TSPAN14: variants seen among roughly 807,000 people sequenced by gnomAD.
TSPAN14 encodes the protein tetraspanin 14.
TSPAN14 carries 16 observed loss-of-function variants against 36.6 expected under a neutral mutation model. The observed-to-expected ratio is 0.44, with a 90% CI of 0.30 to 0.66. The LOEUF (loss-of-function observed/expected upper bound fraction) is 0.66, where lower values mean the gene tolerates loss of function less well. TSPAN14 is among the 30% of genes least tolerant of loss of function. The probability of loss-of-function intolerance (pLI) is 0.12; values close to 1 mark genes in which losing one functional copy is unlikely to be tolerated. For missense variants in TSPAN14, 231 were observed against 355.1 expected (o/e 0.65, Z 2.81); for synonymous variants, 139 against 143.8 (o/e 0.97, Z 0.24).
chr10:80,513,785 C>G (rs1398246386), intron 6 of TSPAN14, among the ~76,000 whole-genome samples: 1 of 152,240 alleles, frequency 6.6e-6, no homozygotes, highest in Non-Finnish European at 1.5e-5. Context: ...GGCTCTCATG[C>G]AACAAAAGCG....
intron 2 of TSPAN14, among the ~76,000 whole-genome samples, chr10:80,494,385 A>G (rs1387924712): frequency 6.6e-6 from 1 of 152,146 alleles, no homozygotes; most frequent in Non-Finnish European, 1.5e-5. Context: ...ATTTTGAGAG[A>G]GTCTTGCGAA....
chr10:80,504,884 G>A (rs1251505159), intron 3 of TSPAN14, 106 bp downstream of exon 3: 3 of 1,233,710 alleles, frequency 2.4e-6, no homozygotes, highest in African/African-American at 3.0e-5. Flanking sequence ...AGCATTTCTT[G>A]TGCAGTGTCA....
At position 80,504,793 on chromosome 10, in the gene TSPAN14, C is replaced by A; in HGVS notation, c.132+15C>A. The A allele has an allele frequency of 6.2e-7, 1 of 1,614,098 alleles. No homozygotes were observed. The highest frequency in any genetic ancestry group is 8.5e-7 in the Non-Finnish European group (1 of 1,179,970). On this transcript the variant is annotated intron_variant, in intron 3 of 8. Coordinates refer to ENST00000429989, the Ensembl canonical transcript of TSPAN14. ...GGAGCGAAAAGGTAGGTGTAACTGT[C>A]GCAGGACACTGAGCTTCAGGCAGCC... is the stretch of plus-strand genomic sequence containing the variant.
chr10:80,503,403 T>C (rs1213011416), intron 2 of TSPAN14, among the ~76,000 whole-genome samples: 4 of 152,178 alleles, frequency 2.6e-5, no homozygotes, highest in South Asian at 4.2e-4. Context: ...AATGAATGAG[T>C]GAGGAGTGAA....
At chr10:80,472,773 A>G (rs889761121) in intron 1 of TSPAN14, among the ~76,000 whole-genome samples, 1 of 152,194 alleles carries the variant, frequency 6.6e-6, no homozygotes, top group Admixed American at 6.5e-5. Context: ...ATTTTATTCA[A>G]TGAGTTAAAA....
At chr10:80,480,671 G>C (rs1183704098) in intron 1 of TSPAN14, among the ~76,000 whole-genome samples, 1 of 152,008 alleles carries the variant, frequency 6.6e-6, no homozygotes, top group South Asian at 2.1e-4. Context: ...TCAGTAAACT[G>C]TCGCAAGAAC....
At chr10:80,517,013 G>T (rs1292072928) in intron 8 of TSPAN14, among the ~76,000 whole-genome samples, 1 of 152,172 alleles carries the variant, frequency 6.6e-6, no homozygotes, top group Admixed American at 6.5e-5. Context: ...AGAATTCAGT[G>T]ATCAGAGAAA....
At chr10:80,511,762 CTCTCTCT>C (rs1840659581) in intron 5 of TSPAN14, among the ~76,000 whole-genome samples, 4 of 133,556 alleles carry the variant, frequency 3.0e-5, no homozygotes, top group Admixed American at 2.3e-4. Context: ...CTCTCTCTCT[CTCTCTCT>C]CTCCCCTTTT....
Position 80,468,046 on chromosome 10 carries a change from CTG to C in TSPAN14, c.-18+13679_-18+13680del, listed in dbSNP as rs1242904674. On this transcript the variant is annotated intron_variant, in intron 1 of 8. Transcript: ENST00000429989. ...CATTCCTCTTCTTTGGGGGTGGAGA[CTG>C]TGTTTAAATTTTGCCTCTATTTTGT... is the stretch of plus-strand genomic sequence containing the variant. Among the ~76,000 whole-genome samples, 4 of 152,150 alleles carry C rather than the reference CTG, an allele frequency of 2.6e-5. No homozygotes were observed. The South Asian group carries it at 6.2e-4, about 24-fold the overall frequency.
chr10:80,458,888 A>C (rs1193314438), intron 1 of TSPAN14, among the ~76,000 whole-genome samples: 1 of 152,138 alleles, frequency 6.6e-6, no homozygotes, highest in Non-Finnish European at 1.5e-5. Flanking sequence ...AACACTGTCC[A>C]GCTTGCAGAG....
At chr10:80,472,739 A>G (rs1028293887) in intron 1 of TSPAN14, among the ~76,000 whole-genome samples, 8 of 152,188 alleles carry the variant, frequency 5.3e-5, no homozygotes, top group African/African-American at 1.7e-4. Context: ...CTGTGTGTGT[A>G]TTAGAATGGG....
At chr10:80,520,613 G>C (rs755879564) in exon 9 of TSPAN14, 2 of 533,174 alleles carry the variant, frequency 3.8e-6, no homozygotes, top group Non-Finnish European at 3.8e-6. Flanking sequence ...TCAGGATCTT[G>C]TCAACGTTAT....
At position 80,509,597 on chromosome 10, in the gene TSPAN14, A is replaced by G; in HGVS notation, c.450+126A>G. On this transcript the variant is annotated intron_variant, in intron 5 of 8. Transcript: ENST00000429989. The surrounding 1 kb of genome is among the most constrained non-coding windows in gnomAD (Gnocchi z 4.7). ...GCCTGCAGCTTGGCAGACAGCAGGG[A>G]GGCCGTGGAACAAGCCACTCCACCT... is the stretch of plus-strand genomic sequence containing the variant. 1 of 1,017,530 alleles carries G rather than the reference A, an allele frequency of 9.8e-7. No individual in the cohort carries two copies. Among genetic ancestry groups the G allele is most frequent in the East Asian group, 2.6e-5 (1 of 38,254 alleles). The allele number at this position is 1,017,530 out of a possible 1,614,324, so 63.0% of individuals were successfully genotyped here.
chr10:80,481,482 G>C (rs1847272536), intron 1 of TSPAN14, among the ~76,000 whole-genome samples: 1 of 152,066 alleles, frequency 6.6e-6, no homozygotes, highest in African/African-American at 2.4e-5. Context: ...TAGCTCACAT[G>C]GTCATAATAA....
At chr10:80,490,683 A>C (rs1159382970) in intron 2 of TSPAN14, among the ~76,000 whole-genome samples, 1 of 152,118 alleles carries the variant, frequency 6.6e-6, no homozygotes, top group African/African-American at 2.4e-5. Flanking sequence ...ATGAGAAGTA[A>C]AGAAGTGAAG....
intron 1 of TSPAN14, among the ~76,000 whole-genome samples, chr10:80,487,029 C>T (rs557546659): frequency 1.6e-4 from 25 of 152,282 alleles, no homozygotes; most frequent in African/African-American, 5.3e-4. Context: ...TGAGACTAGC[C>T]TGGGCAACAT....
At chr10:80,486,225 G>A (rs1161930552) in intron 1 of TSPAN14, among the ~76,000 whole-genome samples, 6 of 152,338 alleles carry the variant, frequency 3.9e-5, no homozygotes, top group Non-Finnish European at 5.9e-5. Flanking sequence ...GAAGCCAGGC[G>A]CCCTGTGGAG....
intron 3 of TSPAN14, among the ~76,000 whole-genome samples, chr10:80,505,850 A>G (rs1840265870): frequency 6.6e-6 from 1 of 152,226 alleles, no homozygotes; most frequent in African/African-American, 2.4e-5. Flanking sequence ...AAATAAGTGA[A>G]AAGGCCAGAA....
At chr10:80,500,145 A>G (rs1304144439) in intron 2 of TSPAN14, among the ~76,000 whole-genome samples, 1 of 151,866 alleles carries the variant, frequency 6.6e-6, no homozygotes, top group African/African-American at 2.4e-5. Flanking sequence ...GTCCTCCCTC[A>G]ATCTCCTGGT....
Sources: gnomAD v4.1 joint callset for allele counts (sites outside exome capture counted in the v4.1 genomes callset) on GRCh38, gnomAD v4.1.1 for gene constraint, Gnocchi (gnomAD v3.1) non-coding constraint, MANE v1.5 for transcripts, NCBI Gene and HGNC (gene_info 2026-07-23, HGNC 2026-07-21) for gene names.